The following TENM2 variants were observed in gnomAD, a reference collection of about 807,000 sequenced individuals.
TENM2 encodes the protein teneurin transmembrane protein 2, also known as teneurin-2.
Under a neutral mutation model 245.2 loss-of-function variants are expected in TENM2, and 52 were observed. That is an observed-to-expected ratio of 0.21 (90% confidence interval 0.17 to 0.27). The LOEUF (loss-of-function observed/expected upper bound fraction) is 0.27. Ranked by LOEUF, TENM2 falls within the 10% of genes least tolerant of loss-of-function variation. The pLI is 1.00. For missense variants in TENM2, 3,046 were observed against 3,666.8 expected, an observed-to-expected ratio of 0.83 and a Z score of 4.37; for synonymous variants, 1,363 against 1,438.9, an observed-to-expected ratio of 0.95 and a Z score of 1.19.
upstream of TENM2, among the ~76,000 whole-genome samples, chr5:167,281,915 G>A (rs926588992): frequency 1.4e-4 from 21 of 149,406 alleles, no homozygotes; most frequent in African/African-American, 4.7e-4. Context: ...CAGGAGAATC[G>A]CTTGAATCCG....
intron 2 of TENM2, among the ~76,000 whole-genome samples, chr5:167,741,734 T>C (rs910053893): frequency 3.9e-5 from 6 of 152,176 alleles, no homozygotes; most frequent in African/African-American, 1.4e-4. Flanking sequence ...CTTCCGCCTT[T>C]CTTCTCAAGA....
chr5:167,079,225 C>T, the TENM2 span, among the ~76,000 whole-genome samples: 2 of 150,960 alleles, frequency 1.3e-5, no homozygotes, highest in Non-Finnish European at 2.9e-5. Flanking sequence ...GTCTTTGTCT[C>T]TCTGTCTCCC....
At chr5:167,671,933 T>C (rs955255466) in intron 2 of TENM2, among the ~76,000 whole-genome samples, 3 of 152,082 alleles carry the variant, frequency 2.0e-5, no homozygotes, top group Non-Finnish European at 2.9e-5. Flanking sequence ...TTTATGGAAC[T>C]CATTCTATGT....
chr5:167,419,129 G>GTAGATGGA (rs140094893), intron 2 of TENM2, among the ~76,000 whole-genome samples: 24 of 150,388 alleles, frequency 1.6e-4, no homozygotes, highest in Non-Finnish European at 2.8e-4. Context: ...AGATGTGTAT[G>GTAGATGGA]TAGATAGATA....
intron 1 of TENM2, among the ~76,000 whole-genome samples, chr5:167,318,633 A>G (rs966260432): frequency 2.6e-5 from 4 of 152,166 alleles, no homozygotes; most frequent in Non-Finnish European, 4.4e-5. Flanking sequence ...CTGCCTTCCA[A>G]TGGCAGCTGA....
intron 12 of TENM2, among the ~76,000 whole-genome samples, chr5:168,135,716 T>TAA (rs35396906): frequency 8.7e-5 from 13 of 150,158 alleles, no homozygotes; most frequent in East Asian, 7.8e-4. Flanking sequence ...TCCCTCTAAT[T>TAA]AAAAAAAAAA....
intron 2 of TENM2, among the ~76,000 whole-genome samples, chr5:167,723,451 A>G (rs1490966226): frequency 6.6e-6 from 1 of 152,154 alleles, no homozygotes; most frequent in African/African-American, 2.4e-5. Flanking sequence ...CATTCTCAGC[A>G]AAACCGCCAG....
At chr5:167,690,926 T>A (rs1490535717) in intron 2 of TENM2, among the ~76,000 whole-genome samples, 14 of 33,054 alleles carry the variant, frequency 4.2e-4, no homozygotes, top group African/African-American at 1.9e-3. Flanking sequence ...TGCGAGTATG[T>A]GTGTGTGTGT....
chr5:167,797,009 A>T (rs1765372236), intron 2 of TENM2, among the ~76,000 whole-genome samples: 1 of 151,926 alleles, frequency 6.6e-6, no homozygotes, highest in Admixed American at 6.6e-5. Flanking sequence ...CCAAACATGG[A>T]TCCACTCTCC....
chr5:168,136,161 G>A (rs143448461), intron 12 of TENM2, among the ~76,000 whole-genome samples: 14 of 152,206 alleles, frequency 9.2e-5, no homozygotes, highest in African/African-American at 2.9e-4. Context: ...AAGATAGAAC[G>A]GACACGTACT....
At chr5:168,106,093 T>C (rs971350990) in intron 9 of TENM2, among the ~76,000 whole-genome samples, 3 of 152,124 alleles carry the variant, frequency 2.0e-5, no homozygotes, top group Non-Finnish European at 4.4e-5. Flanking sequence ...GCCGTAGTTG[T>C]TAGGTAATGC....
At chr5:167,198,350 TCA>T in the TENM2 span, among the ~76,000 whole-genome samples, 18 of 152,254 alleles carry the variant, frequency 1.2e-4, no homozygotes, top group Admixed American at 7.2e-4. Flanking sequence ...TCTGTGCAGT[TCA>T]CAGAGTCAAC....
chr5:167,513,192 C>A (rs1163133561), intron 2 of TENM2, among the ~76,000 whole-genome samples: 1 of 152,136 alleles, frequency 6.6e-6, no homozygotes, highest in Non-Finnish European at 1.5e-5. Context: ...TTTGAGCTCT[C>A]TTTTATCTTC....
At chr5:168,143,010 C>T (rs767070221) in intron 12 of TENM2, among the ~76,000 whole-genome samples, 7 of 152,190 alleles carry the variant, frequency 4.6e-5, no homozygotes, top group African/African-American at 1.7e-4. Context: ...CATGAATCCA[C>T]TGTAAGTTAG....
chr5:167,595,265 A>G (rs1776125393), intron 2 of TENM2, among the ~76,000 whole-genome samples: 1 of 152,228 alleles, frequency 6.6e-6, no homozygotes, highest in African/African-American at 2.4e-5. Flanking sequence ...TATAAGATGT[A>G]AAATTACTTT....
intron 1 of TENM2, among the ~76,000 whole-genome samples, chr5:167,370,474 C>A (rs1760348658): frequency 6.6e-6 from 1 of 152,010 alleles, no homozygotes; most frequent in Non-Finnish European, 1.5e-5. Flanking sequence ...CTTGTGTTCC[C>A]CTCTTTTGAT....
chr5:167,088,229 T>A, the TENM2 span, among the ~76,000 whole-genome samples: 767 of 152,284 alleles, frequency 5.0e-3, 6 homozygotes, highest in African/African-American at 0.017. Context: ...GTGAAAATAG[T>A]CCTGTATTTG....
rs191411077 is a variant in TENM2 at position 167,960,705 on chromosome 5, C to T, written c.947+7883C>T. Among the ~76,000 whole-genome samples, 684 of 152,248 alleles carry T rather than the reference C, an allele frequency of 4.5e-3. 5 individuals are homozygous for T. The highest frequency in any genetic ancestry group is 0.015 in the African/African-American group (608 of 41,530). On this transcript the variant is annotated intron_variant, in intron 4 of 28. Transcript: ENST00000518659. ...TCAGCCCCCTTTCCAGGGGAGTGAA[C>T]GGTTCTGTCTTACTAGCGTTCCAGT...
chr5:168,020,482 G>T (rs1786046148), intron 5 of TENM2, among the ~76,000 whole-genome samples: 1 of 152,172 alleles, frequency 6.6e-6, no homozygotes, highest in South Asian at 2.1e-4. Context: ...ACCTGGTTAT[G>T]ATTGTTTCCT....
Sources: allele counts gnomAD v4.1 joint callset (sites outside exome capture counted in the v4.1 genomes callset), GRCh38; gene constraint gnomAD v4.1.1; transcripts MANE v1.5; gene names NCBI Gene and HGNC (gene_info 2026-07-23, HGNC 2026-07-21).